PTPRD: variants seen among roughly 807,000 people sequenced by gnomAD.
PTPRD encodes the protein protein tyrosine phosphatase receptor type D.
A neutral mutation model predicts 214.5 loss-of-function variants in PTPRD; 34 were observed. That is an observed-to-expected ratio of 0.16 (90% CI 0.12 to 0.21). PTPRD has a LOEUF of 0.21. Among genes scored for constraint, PTPRD ranks in the 10% least tolerant of loss-of-function variants. The probability of loss-of-function intolerance (pLI) is 1.00; values close to 1 mark genes in which losing one functional copy is unlikely to be tolerated. For missense variants in PTPRD, 2,545 were observed against 2,398.7 expected (o/e 1.06, Z -1.27); for synonymous variants, 1,128 against 845.7 (o/e 1.33, Z -5.79).
chr9:8,659,564 G>T (rs1427376205), intron 12 of PTPRD, among the ~76,000 whole-genome samples: 8 of 152,180 alleles, frequency 5.3e-5, no homozygotes, highest in Non-Finnish European at 1.2e-4. Flanking sequence ...TTTACACCAT[G>T]TTCTGAAGTA....
At chr9:9,836,334 C>T (rs902619771) in intron 5 of PTPRD, among the ~76,000 whole-genome samples, 1 of 152,152 alleles carries the variant, frequency 6.6e-6, no homozygotes, top group Non-Finnish European at 1.5e-5. Context: ...GTAAACAAGA[C>T]GATCTGCTCA....
At position 10,544,151 on chromosome 9, in the gene PTPRD, T is replaced by A. The variant is rs545745166; in HGVS notation, c.-600+68247A>T. On this transcript the variant is annotated intron_variant, in intron 2 of 45. Coordinates refer to ENST00000381196, the MANE Select transcript of PTPRD (RefSeq NM_002839.4). ...TAAGTAGGCTCTTTCTACATATTTA[T>A]ATACTTCCACATATAAGGTTTCTGA... Among the ~76,000 whole-genome samples, 5 of 152,298 alleles carry A rather than the reference T, an allele frequency of 3.3e-5. No individual in the cohort carries two copies. The East Asian group carries it at 9.6e-4, about 29-fold the overall frequency.
Position 9,946,017 on chromosome 9 carries a change from A to T in PTPRD, c.-471-7407T>A, listed in dbSNP as rs144887772. The stretch of plus-strand genomic sequence containing the variant: ...CAAATTAAATGATATAAAAACTACT[A>T]TATGTTAGAACTTGAGGAAGCCTTT... On this transcript the variant is annotated intron_variant, in intron 4 of 45. Transcript: ENST00000381196. Among the ~76,000 whole-genome samples the T allele has an allele frequency of 9.3e-5, 7 of 75,284 alleles. No individual in the cohort carries two copies. In the East Asian group the frequency reaches 6.0e-3, roughly 65 times the overall value. The allele number at this position is 75,284 out of a possible 152,430, so 49.4% of individuals were successfully genotyped here.
At chr9:9,297,554 A>C (rs1953553363) in intron 9 of PTPRD, among the ~76,000 whole-genome samples, 1 of 151,660 alleles carries the variant, frequency 6.6e-6, no homozygotes. Flanking sequence ...TGGGAACAGG[A>C]TTATTTCAGG....
chr9:10,573,882 G>A (rs893939591), intron 2 of PTPRD, among the ~76,000 whole-genome samples: 7 of 152,058 alleles, frequency 4.6e-5, no homozygotes, highest in Admixed American at 2.0e-4. Context: ...ACCATGGCAC[G>A]TGTATACCTA....
intron 8 of PTPRD, among the ~76,000 whole-genome samples, chr9:9,541,339 C>T (rs973690900): frequency 1.3e-5 from 2 of 151,636 alleles, no homozygotes; most frequent in African/African-American, 2.4e-5. Context: ...CATATGGAGG[C>T]GCTCTGGAAG....
intron 28 of PTPRD, 161 bp downstream of exon 28, chr9:8,485,601 T>G (rs2135887611): frequency 1.4e-6 from 1 of 701,514 alleles, no homozygotes; most frequent in Non-Finnish European, 2.3e-6. Flanking sequence ...AACTGAAATC[T>G]AAGGCATCCA....
At chr9:9,161,188 T>C (rs1024776388) in intron 10 of PTPRD, among the ~76,000 whole-genome samples, 1 of 152,136 alleles carries the variant, frequency 6.6e-6, no homozygotes, top group Non-Finnish European at 1.5e-5. Flanking sequence ...TAAGTAAATT[T>C]CAAATGTCTC....
intron 44 of PTPRD, among the ~76,000 whole-genome samples, chr9:8,326,608 CT>C (rs1459029741): frequency 6.6e-6 from 1 of 151,126 alleles, no homozygotes; most frequent in African/African-American, 2.4e-5. Context: ...AGGAGTCCCT[CT>C]TTTTGTATTG....
intron 35 of PTPRD, among the ~76,000 whole-genome samples, chr9:8,415,746 G>A (rs182160528): frequency 2.6e-5 from 4 of 152,152 alleles, no homozygotes; most frequent in Admixed American, 2.6e-4. Context: ...AGACAATGGA[G>A]GGCCAGGGAG....
At chr9:8,535,806 A>C (rs1203459326) in intron 14 of PTPRD, among the ~76,000 whole-genome samples, 1 of 151,970 alleles carries the variant, frequency 6.6e-6, no homozygotes, top group Non-Finnish European at 1.5e-5. Flanking sequence ...CTCTGTACAA[A>C]GTCTCCATAA....
chr9:8,594,036 A>T (rs1037497089), intron 14 of PTPRD, among the ~76,000 whole-genome samples: 5 of 152,194 alleles, frequency 3.3e-5, no homozygotes, highest in South Asian at 4.1e-4. Flanking sequence ...CTAGATCCCA[A>T]GTTAACTTCC....
rs540755327 is a variant in PTPRD at position 9,178,936 on chromosome 9, AATC to A, written c.-143+4365_-143+4367del. 8.5e-5 allele frequency among the ~76,000 whole-genome samples: 13 copies of A among 152,154 alleles called. No individual in the cohort carries two copies. The South Asian group carries it at 2.7e-3, about 32-fold the overall frequency. ...CCTGGGACTGTCAAATTAATACTGT[AATC>A]AAAGATCTCTTTTAGAGACCTGAAT... On this transcript the variant is annotated intron_variant, in intron 10 of 45. Coordinates refer to ENST00000381196, the MANE Select transcript of PTPRD (RefSeq NM_002839.4).
chr9:8,458,618 C>T (rs10119467), intron 33 of PTPRD, among the ~76,000 whole-genome samples: 4,772 of 152,074 alleles, frequency 0.031, 265 homozygotes, highest in African/African-American at 0.11. Context: ...AAAAGTGCAG[C>T]GTACAGACAG....
chr9:9,047,040 A>T (rs2099673952), intron 10 of PTPRD, among the ~76,000 whole-genome samples: 1 of 151,966 alleles, frequency 6.6e-6, no homozygotes, highest in African/African-American at 2.4e-5. Flanking sequence ...ACAAAAAGCT[A>T]TTAAAACTGA....
chr9:10,234,779 C>T lies in PTPRD; in HGVS notation c.-545+106184G>A, dbSNP rs546343238. ...AATGAAGTGAATCCTGTTTATCTCA[C>T]AACAATAATAAGAGCCAAACTGAAA... On this transcript the variant is annotated intron_variant, in intron 3 of 45. Transcript: ENST00000381196. Among the ~76,000 whole-genome samples, 15 of 151,958 alleles carry T rather than the reference C, an allele frequency of 9.9e-5. No individual in the cohort carries two copies. In the South Asian group the frequency reaches 2.1e-3, roughly 21 times the overall value.
intron 11 of PTPRD, among the ~76,000 whole-genome samples, chr9:8,850,558 G>A (rs911680851): frequency 2.6e-5 from 4 of 151,238 alleles, no homozygotes; most frequent in African/African-American, 9.7e-5. Context: ...CCCCCTCCCC[G>A]AGAAAAGCAA....
At chr9:9,918,125 G>T (rs2081453130) in intron 5 of PTPRD, among the ~76,000 whole-genome samples, 1 of 151,832 alleles carries the variant, frequency 6.6e-6, no homozygotes, top group Non-Finnish European at 1.5e-5. Context: ...TCTGTACCTA[G>T]ATGACATGAT....
intron 3 of PTPRD, among the ~76,000 whole-genome samples, chr9:10,050,946 T>C (rs1252222597): frequency 6.6e-6 from 1 of 152,150 alleles, no homozygotes; most frequent in South Asian, 2.1e-4. Context: ...GGTAAGCATA[T>C]GTAATGCTTA....
Sources: allele counts gnomAD v4.1 joint callset (sites outside exome capture counted in the v4.1 genomes callset), GRCh38; gene constraint gnomAD v4.1.1; transcripts MANE v1.5; gene names NCBI Gene and HGNC (gene_info 2026-07-23, HGNC 2026-07-21).